ZFR2: variants seen among roughly 807,000 people sequenced by gnomAD.
The protein encoded by ZFR2 is zinc finger RNA binding protein 2.
ZFR2 carries 104 observed loss-of-function variants against 105.7 expected under a neutral mutation model. The observed-to-expected ratio is 0.98, with a 90% CI of 0.84 to 1.16. The LOEUF (loss-of-function observed/expected upper bound fraction) is 1.16, where lower values mean the gene tolerates loss of function less well. Ranked by LOEUF, ZFR2 falls within the 50% of genes most tolerant of loss-of-function variation. The pLI is 0.00. For synonymous variants in ZFR2, 634 were observed against 597.7 expected, an observed-to-expected ratio of 1.06 and a Z score of -0.89; for missense variants, 1,425 against 1,355.5, an observed-to-expected ratio of 1.05 and a Z score of -0.80.
At chr19:3,851,990 C>T in intron 1 of ZFR2, 1 of 224,902 alleles carries the variant, frequency 4.4e-6, no homozygotes, top group Non-Finnish European at 9.0e-6. Context: ...ACCTCTGACT[C>T]AAAGCAACAA....
At chr19:3,828,002 G>A (rs2037971968) in intron 5 of ZFR2, among the ~76,000 whole-genome samples, 1 of 151,030 alleles carries the variant, frequency 6.6e-6, no homozygotes, top group African/African-American at 2.4e-5. Context: ...TGTATTTTTA[G>A]TAGAGACGGG....
rs1257033815 is a variant in ZFR2, at chr19:3,823,156, G to A, written c.1371+90C>T. The A allele has an allele frequency of 5.1e-6, 8 of 1,576,886 alleles. No individual in the cohort carries two copies. Among genetic ancestry groups the A allele is most frequent in the Admixed American group, 3.4e-5 (2 of 59,464 alleles). The stretch of plus-strand genomic sequence containing the variant: ...GAACGGGGATGGGTCTGTAAATCTC[G>A]CTGGGAGAAGCCGGGTGAGGTCTCG... On this transcript the variant is annotated intron_variant, in intron 8 of 18. Coordinates refer to ENST00000262961, the MANE Select transcript of ZFR2 (RefSeq NM_015174.2). The surrounding 1 kb of genome is among the most constrained non-coding windows in gnomAD (Gnocchi z 5.4).
chr19:3,829,677 T>G lies in ZFR2; in HGVS notation c.852+1626A>C, dbSNP rs528292450. On this transcript the variant is annotated intron_variant, in intron 5 of 18. Transcript: ENST00000262961. ...ATAGGTGCGTACCACCATGCCCAGC[T>G]AATTTTTAAATTTTTTTTAGAGACA... is the stretch of plus-strand genomic sequence containing the variant. Among the ~76,000 whole-genome samples, 5 of 152,262 alleles carry G rather than the reference T, an allele frequency of 3.3e-5. No individual in the cohort carries two copies. The East Asian group carries it at 9.7e-4, about 29-fold the overall frequency.
chr19:3,865,426 T>C (rs2038417673), intron 1 of ZFR2, among the ~76,000 whole-genome samples: 2 of 151,824 alleles, frequency 1.3e-5, no homozygotes, highest in South Asian at 4.2e-4. Context: ...CCCAACTCAC[T>C]ACAGCCTCAA....
chr19:3,831,315 G>A lies in ZFR2; in HGVS notation c.840C>T (p.Cys280=), dbSNP rs867295717. Residue 280 remains cysteine, a synonymous_variant, in exon 5 of 19, where the codon TGC becomes TGT. Coordinates refer to ENST00000262961, the MANE Select transcript of ZFR2 (RefSeq NM_015174.2). ...LHYCDICKIS[C]AGPQTYREHL... The stretch of plus-strand genomic sequence containing the variant: ...GAGGGCGACTGACCTGGGGGCCAGC[G>A]CAGCTGATCTTGCAGATGTCGCAGT... 11 of 1,540,832 alleles carry A rather than the reference G, an allele frequency of 7.1e-6. No individual in the cohort carries two copies. Among genetic ancestry groups the A allele is most frequent in the Admixed American group, 2.0e-5 (1 of 51,114 alleles).
chr19:3,823,475 G>T lies in ZFR2; in HGVS notation c.1214-72C>A. 1 of 1,481,236 alleles carries T rather than the reference G, an allele frequency of 6.8e-7. No individual in the cohort carries two copies. The highest frequency in any genetic ancestry group is 9.0e-7 in the Non-Finnish European group (1 of 1,110,414). The allele number at this position is 1,481,236 out of a possible 1,614,324, so 91.8% of individuals were successfully genotyped here. On this transcript the variant is annotated intron_variant, in intron 7 of 18. Transcript: ENST00000262961. The surrounding 1 kb of genome is among the most constrained non-coding windows in gnomAD (Gnocchi z 5.4). ...ACTGCAGCTGCAGACCCGCCAGGCGGCATGGGGTGGAGAGCCACCCAGACT... is the reference window on the plus strand; with the variant it reads ...ACTGCAGCTGCAGACCCGCCAGGCGTCATGGGGTGGAGAGCCACCCAGACT...
At chr19:3,833,574 TAAA>T (rs56713158) in intron 3 of ZFR2, 87 bp downstream of exon 3, 1,148 of 810,310 alleles carry the variant, frequency 1.4e-3, no homozygotes, top group Middle Eastern at 2.0e-3. Flanking sequence ...AGACTCTGTC[TAAA>T]AAAAAAAAAA....
rs1230748084 is a variant in ZFR2, at chr19:3,805,631, G to A, written c.*318C>T. The A allele has an allele frequency of 1.7e-4, 46 of 265,548 alleles. No homozygotes were observed. The Admixed American group carries it at 1.9e-3, about 11-fold the overall frequency. 16.4% of individuals were successfully genotyped at this position (265,548 alleles called of 1,614,324 possible). On this transcript the variant is annotated 3_prime_UTR_variant, in exon 19 of 19. Transcript: ENST00000262961. ...CTCTCAAAGTGCTGGGATTACAGGC[G>A]TGAATCACCGCGCCTGGCCACCAAC...
At chr19:3,846,515 A>G (rs1490120012) in intron 1 of ZFR2, among the ~76,000 whole-genome samples, 1 of 152,218 alleles carries the variant, frequency 6.6e-6, no homozygotes, top group Admixed American at 6.5e-5. Context: ...ATATGTAGAC[A>G]TATGGTAGGC....
chr19:3,817,618 G>C (rs1371260276), intron 12 of ZFR2, among the ~76,000 whole-genome samples: 2 of 148,452 alleles, frequency 1.3e-5, no homozygotes, highest in Non-Finnish European at 3.0e-5. Flanking sequence ...TTAGCTGGGT[G>C]TGGTGGTACA....
At position 3,811,296 on chromosome 19, in the gene ZFR2, G is replaced by T. The variant is rs372395870; in HGVS notation, c.2313C>A (p.Ala771=). ...SPKKCLESLA[A]LRHARWFQAR... ...CCTGAAACCACCTGGCATGACGGAG[G>T]GCGGCCAGGGACTCGAGGCACTTCT... The change falls in exon 15 of 19, where the codon GCC becomes GCA. Residue 771 remains alanine, a synonymous_variant. Transcript: ENST00000262961. 1 of 1,601,960 alleles carries T rather than the reference G, an allele frequency of 6.2e-7. No individual in the cohort carries two copies. The highest frequency in any genetic ancestry group is 1.3e-5 in the African/African-American group (1 of 74,590).
intron 1 of ZFR2, among the ~76,000 whole-genome samples, chr19:3,836,654 C>T (rs1056961116): frequency 6.6e-6 from 1 of 152,166 alleles, no homozygotes; most frequent in African/African-American, 2.4e-5. Context: ...AGGGTTTGCA[C>T]AGTGCCGAGG....
chr19:3,869,022 G>A lies in ZFR2; in HGVS notation c.-5C>T, dbSNP rs1349111801. Reference sequence around the variant, plus strand: ...GAAATACTGACTCGTCGCCATCTTGGCGTCTTCCCCGAGCCTGGCGGACCC... The same window carrying A: ...GAAATACTGACTCGTCGCCATCTTGACGTCTTCCCCGAGCCTGGCGGACCC... On this transcript the variant is annotated 5_prime_UTR_variant, in exon 1 of 19. Transcript: ENST00000262961. 4 of 1,363,886 alleles carry A rather than the reference G, an allele frequency of 2.9e-6. No homozygotes were observed. The highest frequency in any genetic ancestry group is 3.8e-6 in the Non-Finnish European group (4 of 1,047,976). 84.5% of individuals were successfully genotyped at this position (1,363,886 alleles called of 1,614,324 possible).
intron 1 of ZFR2, among the ~76,000 whole-genome samples, chr19:3,857,767 AT>A (rs901290975): frequency 2.6e-5 from 4 of 151,178 alleles, no homozygotes; most frequent in African/African-American, 7.3e-5. Context: ...AGCCCAGGCT[AT>A]TTGCTGCTGC....
chr19:3,828,171 G>T (rs1480961880), intron 5 of ZFR2, among the ~76,000 whole-genome samples: 3 of 147,452 alleles, frequency 2.0e-5, no homozygotes, highest in Non-Finnish European at 4.5e-5. Flanking sequence ...TCGAGACAGG[G>T]TCTCACTCTG....
intron 3 of ZFR2, 90 bp from the exon 4 acceptor site, chr19:3,831,968 C>T: frequency 8.7e-7 from 1 of 1,155,244 alleles, no homozygotes; most frequent in South Asian, 1.7e-5. Flanking sequence ...CTGGCTGGAA[C>T]ACGCTAGATG....
intron 1 of ZFR2, among the ~76,000 whole-genome samples, chr19:3,860,341 A>T (rs1227979661): frequency 4.6e-5 from 7 of 151,692 alleles, no homozygotes; most frequent in African/African-American, 1.7e-4. Context: ...ACCCGGCCCG[A>T]AAGGATTTTA....
chr19:3,844,014 G>GT (rs201900688), intron 1 of ZFR2, among the ~76,000 whole-genome samples: 2,670 of 56,074 alleles, frequency 0.048, 94 homozygotes, highest in African/African-American at 0.12. Context: ...AGTAGGATGT[G>GT]GGGGGGGGGG....
rs377152206 is a variant in ZFR2, at chr19:3,827,491, G to T, written c.1015C>A (p.Arg339=). Residue 339 remains arginine, a synonymous_variant, in exon 6 of 19, where the codon CGG becomes AGG. Coordinates refer to ENST00000262961, the MANE Select transcript of ZFR2 (RefSeq NM_015174.2). ...CGTACCTTCTGGTGCTTGGATCCCC[G>T]GATGTGGGCCGCGTAGGCGTCCGCC... The part of the protein sequence containing the change: ...TGADAYAAHI[R]GSKHQKVFKL... The T allele has an allele frequency of 1.3e-5, 20 of 1,551,432 alleles. No homozygotes were observed. The African/African-American group carries it at 2.7e-4, about 21-fold the overall frequency.
Sources: gnomAD v4.1 joint callset for allele counts (sites outside exome capture counted in the v4.1 genomes callset) on GRCh38, gnomAD v4.1.1 for gene constraint, Gnocchi (gnomAD v3.1) non-coding constraint, MANE v1.5 for transcripts, NCBI Gene and HGNC (gene_info 2026-07-23, HGNC 2026-07-21) for gene names.